BMAL2: variants seen among roughly 807,000 people sequenced by gnomAD.
BMAL2 encodes basic helix-loop-helix ARNT like 2.
the BMAL2 span, chr12:27,370,196 A>G: frequency 6.2e-7 from 1 of 1,614,050 alleles, no homozygotes; most frequent in Non-Finnish European, 8.5e-7. Context: ...TCTTCTTTCA[A>G]CAAGGATAGA....
At chr12:27,377,000 C>CAA in the BMAL2 span, among the ~76,000 whole-genome samples, 3,567 of 91,408 alleles carry the variant, frequency 0.039, 112 homozygotes, top group Non-Finnish European at 0.054. Context: ...AACTCCGTCT[C>CAA]AAAAAAAAAA....
At chr12:27,388,019 G>A in the BMAL2 span, among the ~76,000 whole-genome samples, 2 of 152,098 alleles carry the variant, frequency 1.3e-5, no homozygotes, top group Admixed American at 6.6e-5. Flanking sequence ...CCTTCAGCTG[G>A]TTATAGCTGG....
the BMAL2 span, among the ~76,000 whole-genome samples, chr12:27,400,179 A>C: frequency 6.6e-6 from 1 of 152,122 alleles, no homozygotes; most frequent in Non-Finnish European, 1.5e-5. Context: ...ACAATATTGC[A>C]AGGGGGCATG....
the BMAL2 span, among the ~76,000 whole-genome samples, chr12:27,354,105 G>A: frequency 6.6e-6 from 1 of 152,276 alleles, no homozygotes; most frequent in African/African-American, 2.4e-5. Context: ...CTACCAAAAA[G>A]ACATATGCAT....
chr12:27,385,503 A>G, the BMAL2 span: 1 of 1,606,988 alleles, frequency 6.2e-7, no homozygotes, highest in Non-Finnish European at 8.5e-7. Context: ...CTTATGTGGG[A>G]AGTAATTATA....
chr12:27,380,815 C>T, the BMAL2 span, among the ~76,000 whole-genome samples: 37 of 151,884 alleles, frequency 2.4e-4, no homozygotes, highest in African/African-American at 7.2e-4. Flanking sequence ...TCGAAACAAG[C>T]CTGGGCAAAA....
At chr12:27,420,019 G>GCGCACGCGCACACACACA in the BMAL2 span, among the ~76,000 whole-genome samples, 7 of 147,478 alleles carry the variant, frequency 4.7e-5, no homozygotes, top group South Asian at 2.2e-4. Context: ...GTTTGCGCGT[G>GCGCACGCGCACACACACA]CACACACACA....
chr12:27,345,344 C>T, the BMAL2 span, among the ~76,000 whole-genome samples: 1 of 152,158 alleles, frequency 6.6e-6, no homozygotes. Context: ...ATGGGACATG[C>T]ATGAGAACTG....
chr12:27,380,216 A>G, the BMAL2 span: 1 of 1,608,964 alleles, frequency 6.2e-7, no homozygotes, highest in Non-Finnish European at 8.5e-7. Context: ...GCTGAATGTT[A>G]AATATAAAGG....
chr12:27,349,778 A>G, the BMAL2 span, among the ~76,000 whole-genome samples: 1 of 152,160 alleles, frequency 6.6e-6, no homozygotes. Flanking sequence ...TCTTTATTCT[A>G]ACTTCTATAT....
At chr12:27,424,445 G>A in the BMAL2 span, 2 of 152,168 alleles carry the variant, frequency 1.3e-5, no homozygotes, top group African/African-American at 4.8e-5. Flanking sequence ...AATCTATTGT[G>A]AAACAAAGAC....
At chr12:27,391,114 G>A in the BMAL2 span, among the ~76,000 whole-genome samples, 5 of 152,044 alleles carry the variant, frequency 3.3e-5, no homozygotes, top group Non-Finnish European at 7.4e-5. Flanking sequence ...ACATGTGCAG[G>A]TTTGTTTCAT....
chr12:27,336,911 C>G, the BMAL2 span, among the ~76,000 whole-genome samples: 17 of 142,996 alleles, frequency 1.2e-4, no homozygotes, highest in Admixed American at 1.2e-3. Flanking sequence ...GATCATTCCA[C>G]TGCACTCCAG....
At chr12:27,383,338 CTG>C in the BMAL2 span, among the ~76,000 whole-genome samples, 1 of 147,186 alleles carries the variant, frequency 6.8e-6, no homozygotes. Flanking sequence ...GGAATTGTTA[CTG>C]TCATTTTGAT....
the BMAL2 span, among the ~76,000 whole-genome samples, chr12:27,402,295 A>T: frequency 1.3e-5 from 2 of 152,166 alleles, no homozygotes; most frequent in Non-Finnish European, 2.9e-5. Flanking sequence ...ACTGAGAGAA[A>T]AATAATAAAA....
chr12:27,402,718 C>T, the BMAL2 span: 3 of 1,524,086 alleles, frequency 2.0e-6, no homozygotes, highest in Non-Finnish European at 1.8e-6. Context: ...ATTACTAAGA[C>T]ATATTATTAA....
chr12:27,395,753 G>A, the BMAL2 span, among the ~76,000 whole-genome samples: 1 of 152,150 alleles, frequency 6.6e-6, no homozygotes, highest in African/African-American at 2.4e-5. Context: ...CTGGCAAATG[G>A]TCAATTAGAG....
At chr12:27,368,533 A>G in the BMAL2 span, 1 of 1,227,772 alleles carries the variant, frequency 8.1e-7, no homozygotes, top group Admixed American at 2.3e-5. Context: ...ATGGGAGAGT[A>G]CTTATCCACC....
At chr12:27,374,604 T>C in the BMAL2 span, among the ~76,000 whole-genome samples, 1 of 152,214 alleles carries the variant, frequency 6.6e-6, no homozygotes, top group South Asian at 2.1e-4. Context: ...TTAAGATGGC[T>C]AAAAAGAGAA....
Sources: gnomAD v4.1 joint callset for allele counts (sites outside exome capture counted in the v4.1 genomes callset) on GRCh38, gnomAD v4.1.1 for gene constraint, MANE v1.5 for transcripts, NCBI Gene and HGNC (gene_info 2026-07-23, HGNC 2026-07-21) for gene names.